Variants in URB1 observed in about 807,000 individuals in gnomAD.
URB1 encodes the protein nucleolar pre-ribosomal-associated protein 1.
A neutral mutation model predicts 242.3 loss-of-function variants in URB1; 197 were observed. The ratio of observed to expected loss-of-function variants is 0.81; its 90% CI spans 0.72 to 0.91. URB1 has a LOEUF of 0.91. URB1 is among the 40% of genes least tolerant of loss of function. The pLI is 0.00. For missense variants in URB1, 2,721 were observed against 2,860.5 expected, an observed-to-expected ratio of 0.95 and a Z score of 1.11; for synonymous variants, 1,153 against 1,201.8, an observed-to-expected ratio of 0.96 and a Z score of 0.84.
Position 32,378,516 on chromosome 21 carries a change from T to C in URB1, c.593A>G (p.Tyr198Cys). 1 of 1,551,700 alleles carries C rather than the reference T, an allele frequency of 6.4e-7. No homozygotes were observed. The highest frequency in any genetic ancestry group is 8.7e-7 in the Non-Finnish European group (1 of 1,146,998). The change falls in exon 5 of 39, where the codon TAC (tyrosine) becomes TGC (cysteine). Residue 198 changes from tyrosine (Y) to cysteine (C), a missense_variant. Physicochemically the swap from Tyr to Cys is radical, Grantham distance 194 (BLOSUM62 -2). Transcript: ENST00000382751. ...TAAAAAGGAGAGAGCAAACTGAACG[T>C]AGGCCTGCCGAACGTCGTACACTCC... ...SKGVYDVRQA[Y>C]VQFALSFLIA...
In URB1 at chr21:32,325,264, G is replaced by GC. The variant is rs1251388874; in HGVS notation, c.5085dup (p.His1696AlafsTer65). ...TCTTGGAACCGTGCGCCCTCCAAGT[G>GC]CGAGTAGTAGGCCGCCAGGACATGG... On this transcript the variant is annotated frameshift_variant, in exon 31 of 39. Coordinates refer to ENST00000382751, the MANE Select transcript of URB1 (RefSeq NM_014825.3). LOFTEE classifies it high-confidence loss of function. 1 of 1,551,586 alleles carries GC rather than the reference G, an allele frequency of 6.4e-7. No individual in the cohort carries two copies. The highest frequency in any genetic ancestry group is 2.0e-5 in the Admixed American group (1 of 50,986).
intron 14 of URB1, among the ~76,000 whole-genome samples, chr21:32,358,181 C>T (rs978294689): frequency 3.3e-5 from 5 of 152,128 alleles, no homozygotes; most frequent in African/African-American, 1.2e-4. Flanking sequence ...GTGCTGGAGC[C>T]GTCCCAGGGG....
rs1469115721 is a variant in URB1 at position 32,345,593 on chromosome 21, A to G, written c.3869-18T>C. On this transcript the variant is annotated intron_variant, in intron 22 of 38. Transcript: ENST00000382751. ...GGAAGACACTAGGGCAGAGATACAA[A>G]GGAGAAGTCATCACACCCAATGGTG... The G allele has an allele frequency of 2.0e-6, 3 of 1,519,954 alleles. No homozygotes were observed. In the African/African-American group the frequency reaches 4.1e-5, roughly 21 times the overall value. The allele number at this position is 1,519,954 out of a possible 1,614,324, so 94.2% of individuals were successfully genotyped here. A position where few individuals can be genotyped will look rare whatever the true frequency, so the allele number is the denominator to read the frequency against.
chr21:32,355,329 G>T, intron 16 of URB1, 120 bp downstream of exon 16: 1 of 858,344 alleles, frequency 1.2e-6, no homozygotes, highest in Non-Finnish European at 1.8e-6. Flanking sequence ...GCAAGAATTA[G>T]GAAGTAAGCC....
rs892500952 is a variant in URB1, at chr21:32,384,306, T to G, written c.434+7A>C. Reference sequence around the variant, plus strand: ...CATCCTTTGTCACACCAAGGCAGACTGCCTACCTGTAACCTGAGGCATACA... The same window carrying G: ...CATCCTTTGTCACACCAAGGCAGACGGCCTACCTGTAACCTGAGGCATACA... On this transcript the variant is annotated splice_region_variant and intron_variant, in intron 3 of 38. Coordinates refer to ENST00000382751, the MANE Select transcript of URB1 (RefSeq NM_014825.3). 103 of 1,549,112 alleles carry G rather than the reference T, an allele frequency of 6.6e-5. No homozygotes were observed. The highest frequency in any genetic ancestry group is 8.9e-5 in the Non-Finnish European group (102 of 1,144,494).
In URB1 at chr21:32,373,683, C is replaced by G; in HGVS notation, c.840G>C (p.Trp280Cys). Residue 280 changes from tryptophan (W) to cysteine (C), a missense_variant, in exon 7 of 39, where the codon TGG (tryptophan) becomes TGC (cysteine). Physicochemically the swap from Trp to Cys is radical, Grantham distance 215. Coordinates refer to ENST00000382751, the MANE Select transcript of URB1 (RefSeq NM_014825.3). ...CTGGGTTCACATCGGTAATCCCATT[C>G]CAGTTGTACAGCGATGCTATGTGGT... is the stretch of plus-strand genomic sequence containing the variant. Reference protein sequence around the residue: ...LLNHIASLYNWNGITDVNPEN... With the variant: ...LLNHIASLYNCNGITDVNPEN... The G allele has an allele frequency of 6.5e-7, 1 of 1,545,290 alleles. No homozygotes were observed. The highest frequency in any genetic ancestry group is 8.7e-7 in the Non-Finnish European group (1 of 1,144,948).
At chr21:32,327,494 A>T (rs1280727908) in intron 30 of URB1, among the ~76,000 whole-genome samples, 1 of 152,216 alleles carries the variant, frequency 6.6e-6, no homozygotes, top group Non-Finnish European at 1.5e-5. Context: ...AAGCTAAAAC[A>T]ATTGGTCACC....
chr21:32,328,231 G>A (rs1407320117), intron 30 of URB1, among the ~76,000 whole-genome samples: 3 of 152,140 alleles, frequency 2.0e-5, no homozygotes, highest in Non-Finnish European at 2.9e-5. Flanking sequence ...TCCACCTTAC[G>A]GGTGCAAGCG....
chr21:32,340,550 C>T (rs1329342794), intron 25 of URB1, among the ~76,000 whole-genome samples: 1 of 151,988 alleles, frequency 6.6e-6, no homozygotes. Context: ...GAGACAGATG[C>T]TGCAGTAAGC....
rs1396471154 is a variant in URB1 at position 32,392,977 on chromosome 21, G to C, written c.-67C>G. 6 of 1,421,366 alleles carry C rather than the reference G, an allele frequency of 4.2e-6. No homozygotes were observed. The highest frequency in any genetic ancestry group is 2.9e-5 in the African/African-American group (2 of 68,026). The allele number at this position is 1,421,366 out of a possible 1,614,324, so 88.0% of individuals were successfully genotyped here. On this transcript the variant is annotated 5_prime_UTR_variant, in exon 1 of 39. Coordinates refer to ENST00000382751, the MANE Select transcript of URB1 (RefSeq NM_014825.3). ...GGGACCCGGCAGGAGCACTGGCACA[G>C]ACAGCAGACACGCGCTTCAGGCCCA... is the stretch of plus-strand genomic sequence containing the variant.
At chr21:32,382,205 T>C (rs2033534702) in intron 4 of URB1, among the ~76,000 whole-genome samples, 1 of 152,280 alleles carries the variant, frequency 6.6e-6, no homozygotes, top group South Asian at 2.1e-4. Context: ...GGAGGGCATC[T>C]GATGGATAAT....
chr21:32,362,508 A>G (rs1414450005), intron 11 of URB1, among the ~76,000 whole-genome samples: 1 of 152,182 alleles, frequency 6.6e-6, no homozygotes, highest in Non-Finnish European at 1.5e-5. Flanking sequence ...GCGCCCAACC[A>G]TGTTCTGCAG....
chr21:32,349,597 T>C, intron 20 of URB1, 114 bp from the exon 21 acceptor site: 3 of 1,056,534 alleles, frequency 2.8e-6, no homozygotes, highest in Admixed American at 3.0e-5. Context: ...CAGGCTGAGA[T>C]GGCAACTCCT....
chr21:32,385,753 C>T, intron 1 of URB1, 69 bp from the exon 2 acceptor site: 20 of 1,529,842 alleles, frequency 1.3e-5, no homozygotes, highest in Non-Finnish European at 1.7e-5. Flanking sequence ...GCCACCACTG[C>T]AACCTGCTTT....
At chr21:32,363,723 G>A (rs1374903978) in intron 10 of URB1, among the ~76,000 whole-genome samples, 1 of 151,992 alleles carries the variant, frequency 6.6e-6, no homozygotes, top group East Asian at 1.9e-4. Flanking sequence ...GTGCAATGGT[G>A]CGATCATAGC....
At chr21:32,355,985 G>T (rs767440032) in intron 15 of URB1, among the ~76,000 whole-genome samples, 5 of 152,180 alleles carry the variant, frequency 3.3e-5, no homozygotes, top group Non-Finnish European at 5.9e-5. Context: ...GAGCACGCAG[G>T]GGGTGAAAGT....
intron 21 of URB1, among the ~76,000 whole-genome samples, chr21:32,348,543 C>A (rs1396133924): frequency 1.3e-5 from 2 of 152,192 alleles, no homozygotes; most frequent in South Asian, 2.1e-4. Context: ...TTCCTCACAG[C>A]CCTGCTGAAC....
chr21:32,328,577 G>A (rs962421304), intron 30 of URB1, among the ~76,000 whole-genome samples: 1 of 152,148 alleles, frequency 6.6e-6, no homozygotes, highest in African/African-American at 2.4e-5. Flanking sequence ...ACCTACATAA[G>A]TACATAACAA....
intron 4 of URB1, among the ~76,000 whole-genome samples, chr21:32,382,656 G>A (rs1194248742): frequency 6.6e-6 from 1 of 152,058 alleles, no homozygotes; most frequent in Non-Finnish European, 1.5e-5. Context: ...TCAGGAAGAG[G>A]GTGACACTCT....
Sources: allele counts gnomAD v4.1 joint callset (sites outside exome capture counted in the v4.1 genomes callset), GRCh38; gene constraint gnomAD v4.1.1; transcripts MANE v1.5; gene names NCBI Gene and HGNC (gene_info 2026-07-23, HGNC 2026-07-21).